WEE2: variants seen among roughly 807,000 people sequenced by gnomAD.
WEE2 encodes wee1-like protein kinase 2.
In WEE2, 50 loss-of-function variants were observed where a neutral mutation model predicts 60.1. The observed-to-expected ratio is 0.83, with a 90% CI of 0.66 to 1.05. The LOEUF (loss-of-function observed/expected upper bound fraction) is 1.05. WEE2 is among the 50% of genes least tolerant of loss of function. The pLI, the probability that WEE2 is intolerant of heterozygous loss-of-function variation, is 0.00. For missense variants in WEE2, 631 were observed against 684.3 expected (o/e 0.92, Z 0.87); for synonymous variants, 240 against 241.0 (o/e 1.00, Z 0.04).
intron 6 of WEE2, among the ~76,000 whole-genome samples, chr7:141,723,549 G>A (rs1798957950): frequency 6.6e-6 from 1 of 152,180 alleles, no homozygotes; most frequent in Non-Finnish European, 1.5e-5. Context: ...GCAAGTGACA[G>A]CATATCAGCT....
chr7:141,725,236 A>G (rs2117122044), intron 9 of WEE2, 40 bp downstream of exon 9: 1 of 1,584,794 alleles, frequency 6.3e-7, no homozygotes. Flanking sequence ...TGCAATATCT[A>G]TTTTTTTAGT....
At position 141,730,345 on chromosome 7, in the gene WEE2, G is replaced by C; in HGVS notation, c.*25G>C. 1.2e-6 allele frequency: 2 copies of C among 1,611,492 alleles called. No individual in the cohort carries two copies. Among genetic ancestry groups the C allele is most frequent in the Non-Finnish European group, 1.7e-6 (2 of 1,178,408 alleles). ...AAGGAAGAAAAGGAAAACAGCCCTT[G>C]GTTTGGCCTATGGATTACGAGGTTG... On this transcript the variant is annotated 3_prime_UTR_variant, in exon 12 of 12. Coordinates refer to ENST00000397541, the MANE Select transcript of WEE2 (RefSeq NM_001105558.1).
chr7:141,716,084 C>T, intron 2 of WEE2, 138 bp from the exon 3 acceptor site: 1 of 661,638 alleles, frequency 1.5e-6, no homozygotes, highest in Non-Finnish European at 2.5e-6. Context: ...ATTGAAATTT[C>T]CTGGTTATCC....
intron 5 of WEE2, 96 bp downstream of exon 5, chr7:141,721,152 G>T (rs1428908040): frequency 3.4e-6 from 5 of 1,451,560 alleles, no homozygotes; most frequent in East Asian, 2.3e-5. Flanking sequence ...TCATTCCACG[G>T]ATAGCAGATA....
chr7:141,723,685 G>T (rs1798960913), intron 6 of WEE2, among the ~76,000 whole-genome samples: 1 of 151,674 alleles, frequency 6.6e-6, no homozygotes, highest in African/African-American at 2.4e-5. Context: ...TTTTTATTTT[G>T]GGGACAATAG....
chr7:141,727,834 G>T (rs1371355713), intron 10 of WEE2: 1 of 180,910 alleles, frequency 5.5e-6, no homozygotes, highest in East Asian at 1.5e-4. Flanking sequence ...AATTTCAGGG[G>T]CAGGCAGGTA....
At position 141,725,018 on chromosome 7, in the gene WEE2, T is replaced by C. The variant is rs780007768; in HGVS notation, c.1222-8T>C. On this transcript the variant is annotated splice_polypyrimidine_tract_variant and splice_region_variant and intron_variant, in intron 8 of 11. Coordinates refer to ENST00000397541, the MANE Select transcript of WEE2 (RefSeq NM_001105558.1). ...TAGTAACTGGCCTTCCTGTCTTCTGTTTTGAAGGATTACCGGCACCTTCCC... is the reference window on the plus strand; with the variant it reads ...TAGTAACTGGCCTTCCTGTCTTCTGCTTTGAAGGATTACCGGCACCTTCCC... The C allele has an allele frequency of 6.2e-7, 1 of 1,611,684 alleles. No individual in the cohort carries two copies. Among genetic ancestry groups the C allele is most frequent in the Non-Finnish European group, 8.5e-7 (1 of 1,178,586 alleles).
Position 141,730,334 on chromosome 7 carries a change from A to G in WEE2, c.*14A>G. ...CCTCTGCATTAAAGGAAGAAAAGGA[A>G]AACAGCCCTTGGTTTGGCCTATGGA... is the stretch of plus-strand genomic sequence containing the variant. On this transcript the variant is annotated 3_prime_UTR_variant, in exon 12 of 12. Coordinates refer to ENST00000397541, the MANE Select transcript of WEE2 (RefSeq NM_001105558.1). 1.2e-6 allele frequency: 2 copies of G among 1,612,976 alleles called. No homozygotes were observed. The highest frequency in any genetic ancestry group is 1.7e-6 in the Non-Finnish European group (2 of 1,179,426).
intron 1 of WEE2, among the ~76,000 whole-genome samples, chr7:141,713,363 C>T (rs561025111): frequency 4.6e-5 from 7 of 152,284 alleles, no homozygotes; most frequent in Non-Finnish European, 8.8e-5. Flanking sequence ...CACAGCTACT[C>T]CTCTGGCCCC....
In WEE2 at chr7:141,721,020, G is replaced by T. The variant is rs966577048; in HGVS notation, c.844G>T (p.Asp282Tyr). ...ACGTTACTATTCCTCATGGGCAGAA[G>T]ATGACCACATGATCATTCAGAATGA... ...VVRYYSSWAE[D>Y]DHMIIQNEYC... is the part of the protein sequence containing the mutation. Residue 282 changes from aspartate (D) to tyrosine (Y), a missense_variant, in exon 5 of 12, where the codon GAT becomes TAT. Physicochemically the swap from Asp to Tyr is radical, Grantham distance 160 (BLOSUM62 -3). Coordinates refer to ENST00000397541, the MANE Select transcript of WEE2 (RefSeq NM_001105558.1). 1.2e-6 allele frequency: 2 copies of T among 1,614,090 alleles called. No individual in the cohort carries two copies. Among genetic ancestry groups the T allele is most frequent in the African/African-American group, 2.7e-5 (2 of 74,928 alleles).
chr7:141,714,276 A>G lies in WEE2; in HGVS notation c.410A>G (p.Lys137Arg). ...KLPSRGPKHL[K>R]LTPAPLKDEM... The stretch of plus-strand genomic sequence containing the variant: ...CCTTCCAGAGGCCCTAAGCATTTGA[A>G]GCTCACACCTGCTCCCCTCAAGGAT... Residue 137 changes from lysine to arginine, a missense_variant, in exon 2 of 12, where the codon AAG becomes AGG. By Grantham distance (26) the Lys-to-Arg change is conservative (BLOSUM62 2). Transcript: ENST00000397541. The G allele has an allele frequency of 6.2e-7, 1 of 1,613,904 alleles. No homozygotes were observed. The highest frequency in any genetic ancestry group is 1.1e-5 in the South Asian group (1 of 91,056).
rs1300658173 is a variant in WEE2, at chr7:141,711,411, AAC to A, written c.342+2315_342+2316del. Among the ~76,000 whole-genome samples the A allele has an allele frequency of 6.6e-6, 1 of 152,198 alleles. No homozygotes were observed. Among genetic ancestry groups the A allele is most frequent in the Non-Finnish European group, 1.5e-5 (1 of 68,040 alleles). On this transcript the variant is annotated intron_variant, in intron 1 of 11. Transcript: ENST00000397541. The surrounding 1 kb of genome is among the most constrained non-coding windows in gnomAD (Gnocchi z 4.2). Reference sequence around the variant, plus strand: ...ACTGGGAAAGTACATACTTTATGAAAACACAGTTTGCGTTAGAGGAAAGAGGC... The same window carrying A: ...ACTGGGAAAGTACATACTTTATGAAAACAGTTTGCGTTAGAGGAAAGAGGC...
intron 3 of WEE2, among the ~76,000 whole-genome samples, chr7:141,718,496 T>C (rs1194447380): frequency 1.3e-5 from 2 of 152,152 alleles, no homozygotes; most frequent in Non-Finnish European, 2.9e-5. Context: ...ATGTTGCTAG[T>C]TGGCCAGTAG....
intron 3 of WEE2, among the ~76,000 whole-genome samples, chr7:141,717,731 G>A (rs1180907907): frequency 1.3e-5 from 2 of 152,176 alleles, no homozygotes; most frequent in Non-Finnish European, 2.9e-5. Context: ...GGAAGAGATT[G>A]TATATTAAGA....
intron 1 of WEE2, among the ~76,000 whole-genome samples, chr7:141,713,800 C>G (rs1359368659): frequency 6.6e-6 from 1 of 152,116 alleles, no homozygotes; most frequent in Non-Finnish European, 1.5e-5. Flanking sequence ...ATAGTAGGCA[C>G]CAAACAAATA....
intron 1 of WEE2, 23 bp downstream of exon 1, chr7:141,709,123 A>AG: frequency 3.1e-6 from 5 of 1,590,538 alleles, no homozygotes; most frequent in Non-Finnish European, 4.3e-6. Flanking sequence ...TGGGGGAAAA[A>AG]GGGACGCAGG....
chr7:141,727,290 T>A lies in WEE2; in HGVS notation c.1393-14T>A, dbSNP rs778055877. ...GAAGCTTCTGTTTCTTTCCTCTTGG[T>A]CCTATATCATCAGAACATGATCCAA... On this transcript the variant is annotated splice_polypyrimidine_tract_variant and intron_variant, in intron 9 of 11. Coordinates refer to ENST00000397541, the MANE Select transcript of WEE2 (RefSeq NM_001105558.1). 1.2e-4 allele frequency: 201 copies of A among 1,611,114 alleles called. No individual in the cohort carries two copies. The highest frequency in any genetic ancestry group is 3.3e-4 in the Middle Eastern group (2 of 6,048).
At chr7:141,718,685 A>AG (rs1172345484) in intron 3 of WEE2, among the ~76,000 whole-genome samples, 4 of 152,310 alleles carry the variant, frequency 2.6e-5, no homozygotes, top group Admixed American at 6.5e-5. Flanking sequence ...CACATAAAGA[A>AG]GGGGGGTCTT....
chr7:141,730,408 T>C lies in WEE2; in HGVS notation c.*88T>C, dbSNP rs1799118811. ...CCCCACCAAAGATCCCAGGGACTCG[T>C]TGTACATAGAAAGGAATAGAATTTA... On this transcript the variant is annotated 3_prime_UTR_variant, in exon 12 of 12. Transcript: ENST00000397541. 1.6e-6 allele frequency: 2 copies of C among 1,214,736 alleles called. No individual in the cohort carries two copies. The highest frequency in any genetic ancestry group is 2.4e-6 in the Non-Finnish European group (2 of 833,980). 75.2% of individuals were successfully genotyped at this position (1,214,736 alleles called of 1,614,324 possible). A position where few individuals can be genotyped will look rare whatever the true frequency, so the allele number is the denominator to read the frequency against.
Sources: gnomAD v4.1 joint callset for allele counts (sites outside exome capture counted in the v4.1 genomes callset) on GRCh38, gnomAD v4.1.1 for gene constraint, Gnocchi (gnomAD v3.1) non-coding constraint, MANE v1.5 for transcripts, NCBI Gene and HGNC (gene_info 2026-07-23, HGNC 2026-07-21) for gene names.